The following CPEB2 variants were observed in gnomAD, a reference collection of about 807,000 sequenced individuals.
The protein encoded by CPEB2 is cytoplasmic polyadenylation element binding protein 2.
Under a neutral mutation model 93.6 loss-of-function variants are expected in CPEB2, and 56 were observed. The ratio of observed to expected loss-of-function variants is 0.60; its 90% CI spans 0.48 to 0.75. CPEB2 has a LOEUF of 0.75. CPEB2 is among the 30% of genes least tolerant of loss of function. CPEB2 has a pLI of 0.00. For missense variants in CPEB2, 1,579 were observed against 1,395.1 expected (o/e 1.13, Z -2.10); for synonymous variants, 764 against 586.3 (o/e 1.30, Z -4.38).
At chr4:15,061,038 A>G (rs1338015545) in intron 10 of CPEB2, among the ~76,000 whole-genome samples, 2 of 152,110 alleles carry the variant, frequency 1.3e-5, no homozygotes, top group African/African-American at 4.8e-5. Flanking sequence ...GTCAGCAGAA[A>G]CTCATTGGAG....
intron 6 of CPEB2, among the ~76,000 whole-genome samples, chr4:15,050,385 G>A (rs922826409): frequency 7.2e-5 from 11 of 152,138 alleles, no homozygotes; most frequent in South Asian, 4.1e-4. Flanking sequence ...CCCTGGTGCC[G>A]AAAAGGTTGG....
chr4:15,002,572 C>T lies in CPEB2; in HGVS notation c.-102C>T, dbSNP rs958076955. The T allele has an allele frequency of 2.1e-6, 2 of 953,176 alleles. No individual in the cohort carries two copies. The highest frequency in any genetic ancestry group is 1.7e-5 in the South Asian group (1 of 57,404). The allele number at this position is 953,176 out of a possible 1,614,324, so 59.0% of individuals were successfully genotyped here. A position where few individuals can be genotyped will look rare whatever the true frequency, so the allele number is the denominator to read the frequency against. On this transcript the variant is annotated 5_prime_UTR_variant, in exon 1 of 12. Transcript: ENST00000538197. ...AGTCACGGTGTCCCTCTCTCACTGA[C>T]TCCCCCTCCTTCCACCACGGCCGCG...
intron 6 of CPEB2, among the ~76,000 whole-genome samples, chr4:15,051,450 C>T (rs1388002852): frequency 6.6e-6 from 1 of 152,042 alleles, no homozygotes. Context: ...TCTCCTTTCA[C>T]TTGGAAAAAA....
intron 1 of CPEB2, among the ~76,000 whole-genome samples, chr4:15,005,922 GT>G (rs1722754866): frequency 6.6e-6 from 1 of 152,186 alleles, no homozygotes; most frequent in Admixed American, 6.5e-5. Context: ...AAAATTATCT[GT>G]AGGTAATTTT....
intron 7 of CPEB2, 143 bp downstream of exon 7, chr4:15,052,727 C>CT: frequency 2.2e-6 from 1 of 453,718 alleles, no homozygotes; most frequent in South Asian, 7.7e-5. Flanking sequence ...TTTTAAAATA[C>CT]TTTATCACCT....
At chr4:15,036,602 A>G (rs906610169) in intron 5 of CPEB2, among the ~76,000 whole-genome samples, 1 of 152,216 alleles carries the variant, frequency 6.6e-6, no homozygotes, top group African/African-American at 2.4e-5. Flanking sequence ...ATTTGTATTA[A>G]TATTTGAATT....
chr4:15,019,608 TA>T (rs911059366), intron 4 of CPEB2, among the ~76,000 whole-genome samples: 1 of 151,054 alleles, frequency 6.6e-6, no homozygotes, highest in Non-Finnish European at 1.5e-5. Flanking sequence ...TCTGTTTAAT[TA>T]AAAAAAAATG....
chr4:15,043,943 A>G (rs1727426715), intron 6 of CPEB2, among the ~76,000 whole-genome samples: 1 of 152,160 alleles, frequency 6.6e-6, no homozygotes, highest in African/African-American at 2.4e-5. Flanking sequence ...GGAATTATTA[A>G]TAATATAGTA....
chr4:15,065,314 C>T (rs1163058559), intron 11 of CPEB2, among the ~76,000 whole-genome samples: 2 of 152,080 alleles, frequency 1.3e-5, no homozygotes, highest in Non-Finnish European at 2.9e-5. Flanking sequence ...ACTCAGTGTT[C>T]TGTTGTCTCC....
At chr4:15,021,833 TC>T (rs1724848623) in intron 4 of CPEB2, among the ~76,000 whole-genome samples, 1 of 152,148 alleles carries the variant, frequency 6.6e-6, no homozygotes, top group South Asian at 2.1e-4. Flanking sequence ...ATTGCTAAAC[TC>T]CTATTTTTTA....
At chr4:15,044,621 A>G (rs1177079380) in intron 6 of CPEB2, among the ~76,000 whole-genome samples, 1 of 152,212 alleles carries the variant, frequency 6.6e-6, no homozygotes, top group Non-Finnish European at 1.5e-5. Flanking sequence ...TAGTGTGTAC[A>G]TTATGGTGCC....
rs190720152 is a variant in CPEB2 at position 15,053,338 on chromosome 4, T to C, written c.2371+754T>C. ...GCCAAAAGTTTAATTTCTTTAAGGATAAATGTGCTCTTAGAAACAGGGAAG... is the reference window on the plus strand; with the variant it reads ...GCCAAAAGTTTAATTTCTTTAAGGACAAATGTGCTCTTAGAAACAGGGAAG... On this transcript the variant is annotated intron_variant, in intron 7 of 11. Transcript: ENST00000538197. 1.2e-4 allele frequency among the ~76,000 whole-genome samples: 18 copies of C among 152,212 alleles called. No individual in the cohort carries two copies. The East Asian group carries it at 3.3e-3, about 28-fold the overall frequency.
chr4:15,053,257 C>T (rs1442713318), intron 7 of CPEB2, among the ~76,000 whole-genome samples: 8 of 152,020 alleles, frequency 5.3e-5, no homozygotes, highest in Non-Finnish European at 1.2e-4. Context: ...ACCTCATGAT[C>T]CGCCCACTTT....
At chr4:15,038,503 C>G (rs1449889586) in intron 5 of CPEB2, among the ~76,000 whole-genome samples, 1 of 152,100 alleles carries the variant, frequency 6.6e-6, no homozygotes. Context: ...AAGCAGGAAG[C>G]CCTTCACATC....
intron 5 of CPEB2, among the ~76,000 whole-genome samples, chr4:15,036,240 T>G (rs1726596946): frequency 6.6e-6 from 1 of 152,190 alleles, no homozygotes; most frequent in Admixed American, 6.5e-5. Context: ...TTTTTTAATT[T>G]AAACAATAAA....
At position 15,003,686 on chromosome 4, in the gene CPEB2, C is replaced by G; in HGVS notation, c.1013C>G (p.Ala338Gly). ...LLPGGALGAG[A>G]FSSLQSPDLP... ...CCCGGAGGTGCGCTTGGCGCGGGCG[C>G]CTTCAGCAGCCTGCAGAGCCCGGAC... Residue 338 changes from alanine to glycine, a missense_variant, in exon 1 of 12, where the codon GCC (alanine) becomes GGC (glycine). Coordinates refer to ENST00000538197, the MANE Select transcript of CPEB2 (RefSeq NM_001177382.2). 6.9e-7 allele frequency: 1 copy of G among 1,459,442 alleles called. No individual in the cohort carries two copies. Among genetic ancestry groups the G allele is most frequent in the East Asian group, 3.1e-5 (1 of 32,784 alleles). 90.4% of individuals were successfully genotyped at this position (1,459,442 alleles called of 1,614,324 possible).
chr4:15,027,799 A>G (rs926338113), intron 4 of CPEB2, among the ~76,000 whole-genome samples: 1 of 152,184 alleles, frequency 6.6e-6, no homozygotes, highest in Non-Finnish European at 1.5e-5. Flanking sequence ...CAGTTGATAC[A>G]GCTAAGCATT....
In CPEB2 at chr4:15,035,810, T is replaced by C. The variant is rs116648124; in HGVS notation, c.2176+2599T>C. ...CTCCTTGGAGTACCCAAGATGATTT[T>C]GATGTACACAGATACACATTAAAAT... is the stretch of plus-strand genomic sequence containing the variant. On this transcript the variant is annotated intron_variant, in intron 5 of 11. Coordinates refer to ENST00000538197, the MANE Select transcript of CPEB2 (RefSeq NM_001177382.2). Among the ~76,000 whole-genome samples, 1,224 of 152,264 alleles carry C rather than the reference T, an allele frequency of 8.0e-3. 13 individuals carry two copies. The highest frequency in any genetic ancestry group is 0.026 in the African/African-American group (1,084 of 41,554).
chr4:15,028,615 A>G (rs1051857946), intron 4 of CPEB2, among the ~76,000 whole-genome samples: 4 of 152,124 alleles, frequency 2.6e-5, no homozygotes, highest in Admixed American at 1.3e-4. Context: ...AAAATATACT[A>G]TCAAGGGGAT....
Sources: allele counts gnomAD v4.1 joint callset (sites outside exome capture counted in the v4.1 genomes callset), GRCh38; gene constraint gnomAD v4.1.1; transcripts MANE v1.5; gene names NCBI Gene and HGNC (gene_info 2026-07-23, HGNC 2026-07-21).